The following SYCP2L variants were observed in gnomAD, a reference collection of about 807,000 sequenced individuals.
SYCP2L encodes synaptonemal complex protein 2-like.
Under a neutral mutation model 125.8 loss-of-function variants are expected in SYCP2L, and 98 were observed. The observed-to-expected ratio is 0.78, with a 90% CI of 0.66 to 0.92. SYCP2L has a LOEUF of 0.92. Ranked by LOEUF, SYCP2L falls within the 40% of genes least tolerant of loss-of-function variation. The pLI is 0.00. For synonymous variants in SYCP2L, 317 were observed against 325.4 expected, an observed-to-expected ratio of 0.97 and a Z score of 0.28; for missense variants, 842 against 936.4, an observed-to-expected ratio of 0.90 and a Z score of 1.32.
intron 29 of SYCP2L, among the ~76,000 whole-genome samples, chr6:10,965,929 A>G (rs924280580): frequency 6.6e-6 from 1 of 152,210 alleles, no homozygotes; most frequent in Non-Finnish European, 1.5e-5. Flanking sequence ...CCTGGCCAAC[A>G]CGGTAAAACC....
chr6:10,931,392 C>A, intron 19 of SYCP2L, 48 bp from the exon 20 acceptor site: 2 of 1,591,132 alleles, frequency 1.3e-6, no homozygotes, highest in Non-Finnish European at 1.7e-6. Context: ...AATTTTTATG[C>A]CTCATGAGTT....
intron 1 of SYCP2L, among the ~76,000 whole-genome samples, chr6:10,890,470 T>C (rs950060143): frequency 5.3e-5 from 8 of 152,244 alleles, no homozygotes; most frequent in Admixed American, 5.2e-4. Context: ...TTTTTTCATA[T>C]ACCTGTTGGT....
chr6:10,958,656 C>T (rs1175757534), intron 25 of SYCP2L, 128 bp from the exon 26 acceptor site: 3 of 824,914 alleles, frequency 3.6e-6, no homozygotes, highest in South Asian at 1.8e-5. Context: ...CCTGATCACA[C>T]TTGCTTAGCA....
chr6:10,956,769 A>C (rs1781508879), intron 25 of SYCP2L, among the ~76,000 whole-genome samples: 1 of 149,198 alleles, frequency 6.7e-6, no homozygotes, highest in Non-Finnish European at 1.5e-5. Context: ...GGCCCGTGGT[A>C]ATCATTTCAC....
chr6:10,898,471 C>T lies in SYCP2L; in HGVS notation c.442-353C>T, dbSNP rs528183300. On this transcript the variant is annotated intron_variant, in intron 5 of 29. Coordinates refer to ENST00000283141, the MANE Select transcript of SYCP2L (RefSeq NM_001040274.3). ...GAGCTTATATAGTGAGCCGAGACCACGCGATTGTACTTCAGCCTGGGAAAC... is the reference window on the plus strand; with the variant it reads ...GAGCTTATATAGTGAGCCGAGACCATGCGATTGTACTTCAGCCTGGGAAAC... Among the ~76,000 whole-genome samples, 485 of 152,214 alleles carry T rather than the reference C, an allele frequency of 3.2e-3. 2 individuals are homozygous for T. Among genetic ancestry groups the T allele is most frequent in the Middle Eastern group, 0.017 (5 of 294 alleles).
At chr6:10,958,377 C>T (rs895698593) in intron 25 of SYCP2L, among the ~76,000 whole-genome samples, 3 of 151,930 alleles carry the variant, frequency 2.0e-5, no homozygotes, top group East Asian at 1.9e-4. Flanking sequence ...GAGCAAGGGG[C>T]GGGGAGGTGC....
chr6:10,969,915 A>G (rs182054248), intron 29 of SYCP2L, among the ~76,000 whole-genome samples: 2 of 152,302 alleles, frequency 1.3e-5, no homozygotes, highest in East Asian at 1.9e-4. Flanking sequence ...GAAATGTTAT[A>G]TGAGTATGTG....
chr6:10,940,234 G>A (rs1446343951), intron 21 of SYCP2L, among the ~76,000 whole-genome samples: 2 of 152,170 alleles, frequency 1.3e-5, no homozygotes, highest in Non-Finnish European at 2.9e-5. Context: ...CGCTGTTGGT[G>A]AGAATGTAAA....
chr6:10,957,361 C>G (rs534989042), intron 25 of SYCP2L, among the ~76,000 whole-genome samples: 2 of 152,278 alleles, frequency 1.3e-5, no homozygotes, highest in African/African-American at 4.8e-5. Context: ...TATTCCATGT[C>G]CATTTGCCCC....
At chr6:10,925,995 A>G (rs1185170148) in intron 15 of SYCP2L, among the ~76,000 whole-genome samples, 1 of 152,172 alleles carries the variant, frequency 6.6e-6, no homozygotes, top group African/African-American at 2.4e-5. Context: ...TATAGTTGGG[A>G]ACTCACTACA....
At chr6:10,900,628 C>T (rs1780361049) in intron 6 of SYCP2L, among the ~76,000 whole-genome samples, 1 of 152,174 alleles carries the variant, frequency 6.6e-6, no homozygotes, top group South Asian at 2.1e-4. Flanking sequence ...GCTGGGATTA[C>T]AGGCATGAGC....
chr6:10,970,530 T>C (rs1040722389), intron 29 of SYCP2L, among the ~76,000 whole-genome samples: 1 of 152,098 alleles, frequency 6.6e-6, no homozygotes, highest in African/African-American at 2.4e-5. Context: ...TCTGGAAGGA[T>C]TGCTGATGGC....
At position 10,927,263 on chromosome 6, in the gene SYCP2L, A is replaced by G. The variant is rs1256018480; in HGVS notation, c.1336A>G (p.Met446Val). ...ETEQAEESTN[M>V]VEFMSAEDDR... ...AGAGCAGGCAGAAGAATCCACTAAC[A>G]TGGTGGAGTTTATGAGTGCTGAAGA... Residue 446 changes from methionine to valine, a missense_variant, in exon 17 of 30, where the codon ATG becomes GTG. By Grantham distance (21) the Met-to-Val change is conservative. Coordinates refer to ENST00000283141, the MANE Select transcript of SYCP2L (RefSeq NM_001040274.3). 2 of 1,614,040 alleles carry G rather than the reference A, an allele frequency of 1.2e-6. No homozygotes were observed. The highest frequency in any genetic ancestry group is 1.7e-5 in the Admixed American group (1 of 60,012).
chr6:10,906,120 T>C lies in SYCP2L; in HGVS notation c.676+66T>C, dbSNP rs566499731. 5 of 906,706 alleles carry C rather than the reference T, an allele frequency of 5.5e-6. No individual in the cohort carries two copies. In the South Asian group the frequency reaches 7.4e-5, roughly 13 times the overall value. The allele number at this position is 906,706 out of a possible 1,614,324, so 56.2% of individuals were successfully genotyped here. A position where few individuals can be genotyped will look rare whatever the true frequency, so the allele number is the denominator to read the frequency against. ...TTGGACACTGGGGGTTTTATGAGCA[T>C]CTTGGGACTATGGGGAATAAATTAT... On this transcript the variant is annotated intron_variant, in intron 9 of 29. Coordinates refer to ENST00000283141, the MANE Select transcript of SYCP2L (RefSeq NM_001040274.3).
At chr6:10,939,771 A>G (rs1414180930) in intron 21 of SYCP2L, among the ~76,000 whole-genome samples, 1 of 152,242 alleles carries the variant, frequency 6.6e-6, no homozygotes, top group Non-Finnish European at 1.5e-5. Flanking sequence ...AGACAAAAAT[A>G]GGGAAACAGC....
chr6:10,952,992 G>A (rs993103254), intron 23 of SYCP2L, among the ~76,000 whole-genome samples: 6 of 152,074 alleles, frequency 3.9e-5, no homozygotes, highest in Admixed American at 3.9e-4. Context: ...TTACAGAGAG[G>A]CCAGATACTG....
chr6:10,950,167 G>A (rs1319148873), intron 23 of SYCP2L, among the ~76,000 whole-genome samples: 1 of 151,938 alleles, frequency 6.6e-6, no homozygotes, highest in Non-Finnish European at 1.5e-5. Context: ...TTTTAAAGCT[G>A]TCCTTTCATT....
chr6:10,921,744 C>T (rs1188542399), intron 14 of SYCP2L, among the ~76,000 whole-genome samples: 1 of 150,192 alleles, frequency 6.7e-6, no homozygotes, highest in African/African-American at 2.5e-5. Flanking sequence ...CTCGCTCTGT[C>T]GCCCAGGCTG....
chr6:10,973,116 T>C (rs906876744), intron 29 of SYCP2L, among the ~76,000 whole-genome samples: 32 of 152,242 alleles, frequency 2.1e-4, no homozygotes, highest in South Asian at 4.1e-4. Flanking sequence ...AAATAACTTA[T>C]ATCGCTCAGG....
Sources: gnomAD v4.1 joint callset for allele counts (sites outside exome capture counted in the v4.1 genomes callset) on GRCh38, gnomAD v4.1.1 for gene constraint, MANE v1.5 for transcripts, NCBI Gene and HGNC (gene_info 2026-07-23, HGNC 2026-07-21) for gene names.